KIFAP3: variants seen among roughly 807,000 people sequenced by gnomAD.
KIFAP3 encodes the protein kinesin associated protein 3.
Under a neutral mutation model 106.5 loss-of-function variants are expected in KIFAP3, and 68 were observed. That is an observed-to-expected ratio of 0.64 (90% CI 0.53 to 0.78). The LOEUF is 0.78. KIFAP3 is among the 30% of genes least tolerant of loss of function. The pLI, the probability that KIFAP3 is intolerant of heterozygous loss-of-function variation, is 0.00. For missense variants in KIFAP3, 780 were observed against 941.8 expected, an observed-to-expected ratio of 0.83 and a Z score of 2.25; for synonymous variants, 320 against 311.5, an observed-to-expected ratio of 1.03 and a Z score of -0.29.
At chr1:170,057,941 A>G (rs1670933488) in intron 1 of KIFAP3, among the ~76,000 whole-genome samples, 1 of 152,132 alleles carries the variant, frequency 6.6e-6, no homozygotes, top group Non-Finnish European at 1.5e-5. Context: ...ACTAGAACCA[A>G]AAGTGTGCTA....
chr1:170,024,553 G>C lies in KIFAP3; in HGVS notation c.885C>G (p.Thr295=). 1 of 1,597,436 alleles carries C rather than the reference G, an allele frequency of 6.3e-7. No individual in the cohort carries two copies. The highest frequency in any genetic ancestry group is 8.5e-7 in the Non-Finnish European group (1 of 1,172,140). The change falls in exon 9 of 20, where the codon ACC becomes ACG. Residue 295 remains threonine (T), a synonymous_variant. Coordinates refer to ENST00000361580, the MANE Select transcript of KIFAP3 (RefSeq NM_014970.4). ...LLLNLAEDTR[T]ELKMRNKNIV... is the part of the protein sequence containing the mutation. ...TGTTCTTGTTCCTCATTTTCAGTTC[G>C]GTACGAGTATCCTCAGCAAGATTCA...
At chr1:169,992,960 T>C (rs2101936098) in intron 10 of KIFAP3, among the ~76,000 whole-genome samples, 1 of 152,286 alleles carries the variant, frequency 6.6e-6, no homozygotes, top group South Asian at 2.1e-4. Flanking sequence ...GTGATAAAAC[T>C]AGAGCCAGAA....
At chr1:169,982,954 A>C in intron 13 of KIFAP3, 87 bp from the exon 14 acceptor site, 2 of 764,484 alleles carry the variant, frequency 2.6e-6, no homozygotes. Flanking sequence ...TAACTCATTG[A>C]AAGAAAAAGT....
At position 169,976,429 on chromosome 1, in the gene KIFAP3, CT is replaced by C. The variant is rs780463694; in HGVS notation, c.1897+1655del. On this transcript the variant is annotated intron_variant, in intron 16 of 19. Transcript: ENST00000361580. Reference sequence around the variant, plus strand: ...CCAAACTTATTTACTATCAGAGAACCTTTTTTTTTTCATTAAGCAGCTGTTA... The same window carrying C: ...CCAAACTTATTTACTATCAGAGAACCTTTTTTTTTCATTAAGCAGCTGTTA... 2.7e-4 allele frequency among the ~76,000 whole-genome samples: 40 copies of C among 148,184 alleles called. 1 individual carries two copies. In the East Asian group the frequency reaches 4.5e-3, roughly 17 times the overall value.
At chr1:169,953,330 T>A (rs945183167) in intron 19 of KIFAP3, among the ~76,000 whole-genome samples, 15 of 152,154 alleles carry the variant, frequency 9.9e-5, no homozygotes, top group Non-Finnish European at 1.8e-4. Context: ...AAGCACCAAC[T>A]TTTTAAAAAC....
At chr1:169,978,869 G>T (rs1211238962) in intron 15 of KIFAP3, among the ~76,000 whole-genome samples, 1 of 151,888 alleles carries the variant, frequency 6.6e-6, no homozygotes, top group African/African-American at 2.4e-5. Flanking sequence ...ATAAATTGTG[G>T]GTCCCTTAAA....
At chr1:170,048,698 C>T (rs751789973) in intron 2 of KIFAP3, among the ~76,000 whole-genome samples, 9 of 151,378 alleles carry the variant, frequency 5.9e-5, no homozygotes, top group Non-Finnish European at 1.2e-4. Flanking sequence ...CAAGCAGAAG[C>T]GGGGTGGCGG....
At chr1:170,043,722 G>A (rs1442295788) in intron 3 of KIFAP3, among the ~76,000 whole-genome samples, 1 of 152,152 alleles carries the variant, frequency 6.6e-6, no homozygotes, top group African/African-American at 2.4e-5. Context: ...ACATTGATAG[G>A]AGTAAAAATA....
intron 3 of KIFAP3, 23 bp from the exon 4 acceptor site, chr1:170,039,311 T>C: frequency 7.1e-7 from 1 of 1,402,582 alleles, no homozygotes; most frequent in Admixed American, 1.8e-5. Context: ...TTTTTTTTAA[T>C]AAGGAGACTT....
chr1:170,080,718 G>A (rs1672006308), intron 1 of KIFAP3, among the ~76,000 whole-genome samples: 1 of 152,074 alleles, frequency 6.6e-6, no homozygotes, highest in African/African-American at 2.4e-5. Flanking sequence ...TCACCCAGTA[G>A]TTACATCTTC....
intron 19 of KIFAP3, among the ~76,000 whole-genome samples, chr1:169,936,167 T>TA: frequency 6.6e-6 from 1 of 150,388 alleles, no homozygotes; most frequent in Non-Finnish European, 1.5e-5. Flanking sequence ...ATGTCAGTGT[T>TA]AAAAGAAGTT....
intron 19 of KIFAP3, among the ~76,000 whole-genome samples, chr1:169,938,928 G>A (rs998052918): frequency 1.3e-5 from 2 of 152,160 alleles, no homozygotes; most frequent in African/African-American, 4.8e-5. Flanking sequence ...AGTCCAGAGT[G>A]GGTAGAATTA....
At chr1:170,046,632 C>CT (rs1050943187) in intron 3 of KIFAP3, 80 bp downstream of exon 3, 52 of 1,185,318 alleles carry the variant, frequency 4.4e-5, no homozygotes, top group Middle Eastern at 2.2e-4. Context: ...GTTTGATAAA[C>CT]TTTTTTTTAT....
At chr1:170,077,442 A>G (rs1671943325), upstream of KIFAP3, among the ~76,000 whole-genome samples, 2 of 152,348 alleles carry the variant, frequency 1.3e-5, no homozygotes, top group South Asian at 4.1e-4. Context: ...ACACAATACA[A>G]TAATATGCAG....
At chr1:169,952,229 C>T (rs2806382) in intron 19 of KIFAP3, among the ~76,000 whole-genome samples, 3 of 151,834 alleles carry the variant, frequency 2.0e-5, no homozygotes, top group South Asian at 2.1e-4. Context: ...CTGAACTACA[C>T]AAAAGGTTAT....
At chr1:170,060,478 A>G (rs1557872413) in intron 1 of KIFAP3, among the ~76,000 whole-genome samples, 1 of 152,228 alleles carries the variant, frequency 6.6e-6, no homozygotes, top group Non-Finnish European at 1.5e-5. Flanking sequence ...CTCTTCAAGG[A>G]GAACTACAAA....
At chr1:169,930,330 C>A (rs1663394239) in intron 19 of KIFAP3, among the ~76,000 whole-genome samples, 1 of 152,154 alleles carries the variant, frequency 6.6e-6, no homozygotes, top group Admixed American at 6.5e-5. Context: ...CAAGGCTTAT[C>A]AAATTTAAAC....
chr1:169,963,108 C>G (rs1665421873), intron 17 of KIFAP3, among the ~76,000 whole-genome samples: 2 of 152,174 alleles, frequency 1.3e-5, no homozygotes, highest in African/African-American at 4.8e-5. Flanking sequence ...CTCCCACCCT[C>G]TACCCTTAAG....
In KIFAP3 at chr1:170,038,320, G is replaced by C. The variant is rs765936830; in HGVS notation, c.487C>G (p.Pro163Ala). The C allele has an allele frequency of 6.9e-6, 11 of 1,604,146 alleles. No individual in the cohort carries two copies. Among genetic ancestry groups the C allele is most frequent in the Non-Finnish European group, 8.5e-6 (10 of 1,178,014 alleles). Residue 163 changes from proline to alanine, a missense_variant, in exon 5 of 20, where the codon CCT becomes GCT. By Grantham distance (27) the Pro-to-Ala change is conservative. Around this residue, in one of 3 missense-constraint regions of KIFAP3, gnomAD observed 588 missense variants for 678.9 expected, o/e 0.87. Coordinates refer to ENST00000361580, the MANE Select transcript of KIFAP3 (RefSeq NM_014970.4). The part of the protein sequence containing the change: ...SALILQLARN[P>A]DNLEELLLNE... ...AATAGTAGTTCTTCCAAGTTATCAG[G>C]ATTTCGAGCAAGCTGCAGGATCAAA...
Sources: allele counts gnomAD v4.1 joint callset (sites outside exome capture counted in the v4.1 genomes callset), GRCh38; gene constraint gnomAD v4.1.1; regional missense constraint gnomAD v4.1.1; transcripts MANE v1.5; gene names NCBI Gene and HGNC (gene_info 2026-07-23, HGNC 2026-07-21).